Variants in FAM81A observed in about 807,000 individuals in gnomAD.
FAM81A encodes the protein family with sequence similarity 81 member A, also known as protein FAM81A.
FAM81A carries 19 observed loss-of-function variants against 46.7 expected under a neutral mutation model. The ratio of observed to expected loss-of-function variants is 0.41; its 90% CI spans 0.28 to 0.60. FAM81A has a LOEUF of 0.60. Among genes scored for constraint, FAM81A ranks in the 20% least tolerant of loss-of-function variants. The pLI, the probability that FAM81A is intolerant of heterozygous loss-of-function variation, is 0.34. For synonymous variants in FAM81A, 183 were observed against 152.9 expected, an observed-to-expected ratio of 1.20 and a Z score of -1.45; for missense variants, 377 against 453.5, an observed-to-expected ratio of 0.83 and a Z score of 1.53.
At chr15:59,435,631 A>T (rs1487695954), upstream of FAM81A, among the ~76,000 whole-genome samples, 1 of 152,218 alleles carries the variant, frequency 6.6e-6, no homozygotes, top group Non-Finnish European at 1.5e-5. Context: ...CAAAAGAAAG[A>T]AGAAAAATGA....
intron 2 of FAM81A, among the ~76,000 whole-genome samples, chr15:59,427,941 C>T (rs2081202342): frequency 6.6e-6 from 1 of 152,214 alleles, no homozygotes; most frequent in Non-Finnish European, 1.5e-5. Context: ...ACTGCTGGGT[C>T]ATATGATAGC....
At chr15:59,482,722 C>T (rs1275958555) in intron 3 of FAM81A, among the ~76,000 whole-genome samples, 1 of 152,200 alleles carries the variant, frequency 6.6e-6, no homozygotes, top group Non-Finnish European at 1.5e-5. Context: ...TTATGCCTTA[C>T]TATAGGCAAA....
chr15:59,471,637 A>ATTT (rs34636106), intron 3 of FAM81A, among the ~76,000 whole-genome samples: 1 of 146,640 alleles, frequency 6.8e-6, no homozygotes. Context: ...AATTTTTCTT[A>ATTT]TTTTTTTTTT....
chr15:59,474,345 C>G (rs2081738876), intron 3 of FAM81A, among the ~76,000 whole-genome samples: 2 of 152,160 alleles, frequency 1.3e-5, no homozygotes, highest in African/African-American at 4.8e-5. Flanking sequence ...GTTCTGGAGG[C>G]TGGGAAGTCC....
intron 8 of FAM81A, among the ~76,000 whole-genome samples, chr15:59,519,971 C>G (rs2082310634): frequency 6.6e-6 from 1 of 152,086 alleles, no homozygotes; most frequent in African/African-American, 2.4e-5. Context: ...TTTTAAATTT[C>G]TTTAGTAACC....
chr15:59,468,558 C>T (rs1292769768), intron 3 of FAM81A, among the ~76,000 whole-genome samples: 1 of 151,712 alleles, frequency 6.6e-6, no homozygotes, highest in African/African-American at 2.4e-5. Flanking sequence ...GGTGATATCC[C>T]CTTTACCATT....
intron 3 of FAM81A, among the ~76,000 whole-genome samples, chr15:59,476,266 A>G (rs1291072489): frequency 6.6e-6 from 1 of 150,552 alleles, no homozygotes; most frequent in African/African-American, 2.4e-5. Flanking sequence ...TCTGTCATTC[A>G]GGCTGGAATG....
intron 2 of FAM81A, among the ~76,000 whole-genome samples, chr15:59,409,667 C>T (rs1356704859): frequency 6.6e-6 from 1 of 152,168 alleles, no homozygotes; most frequent in East Asian, 1.9e-4. Context: ...GGTGCAAAGG[C>T]TTGGGCAGAA....
chr15:59,414,037 T>G (rs1359330288), intron 2 of FAM81A, among the ~76,000 whole-genome samples: 1 of 152,132 alleles, frequency 6.6e-6, no homozygotes, highest in African/African-American at 2.4e-5. Context: ...CACTGCAACC[T>G]CCATCTCCCG....
intron 7 of FAM81A, among the ~76,000 whole-genome samples, chr15:59,515,232 A>T (rs2082254334): frequency 6.6e-6 from 1 of 152,180 alleles, no homozygotes; most frequent in African/African-American, 2.4e-5. Context: ...CGACAGAGTG[A>T]GACTCTATCT....
chr15:59,518,929 TTGTGTGTGTGTGTC>T (rs1219753725), intron 8 of FAM81A, among the ~76,000 whole-genome samples: 73 of 136,116 alleles, frequency 5.4e-4, no homozygotes, highest in African/African-American at 1.8e-3. Context: ...TCACAGGTAT[TTGTGTGTGTGTGTC>T]TGTGTGTGTG....
At chr15:59,465,862 C>G (rs915277368) in intron 3 of FAM81A, among the ~76,000 whole-genome samples, 2 of 152,120 alleles carry the variant, frequency 1.3e-5, no homozygotes, top group Admixed American at 6.5e-5. Flanking sequence ...CGTCCGCTGA[C>G]AGACCCCGGT....
chr15:59,515,983 A>G (rs1354178746), intron 7 of FAM81A, among the ~76,000 whole-genome samples: 1 of 152,232 alleles, frequency 6.6e-6, no homozygotes, highest in Non-Finnish European at 1.5e-5. Flanking sequence ...ATAATTCAAT[A>G]TAGCTGCTAG....
At chr15:59,439,061 TTAAG>T (rs1301517917) in intron 1 of FAM81A, 4 of 152,152 alleles carry the variant, frequency 2.6e-5, no homozygotes, top group Admixed American at 2.0e-4. Flanking sequence ...CAGCAGCAAA[TTAAG>T]TGAGTCATTT....
At chr15:59,456,412 T>C (rs1220547010) in intron 1 of FAM81A, among the ~76,000 whole-genome samples, 1 of 152,116 alleles carries the variant, frequency 6.6e-6, no homozygotes, top group African/African-American at 2.4e-5. Context: ...GGTTGGAGTG[T>C]TGAAGAGAAG....
At chr15:59,488,269 C>G (rs1045570286) in intron 3 of FAM81A, among the ~76,000 whole-genome samples, 1 of 152,106 alleles carries the variant, frequency 6.6e-6, no homozygotes, top group African/African-American at 2.4e-5. Flanking sequence ...AGGAACACAT[C>G]TCAACATAAT....
chr15:59,434,897 C>A (rs1227988714), upstream of FAM81A, among the ~76,000 whole-genome samples: 2 of 152,222 alleles, frequency 1.3e-5, no homozygotes, highest in African/African-American at 4.8e-5. Flanking sequence ...GAGGAGCCTA[C>A]TTACTATCCT....
intron 2 of FAM81A, among the ~76,000 whole-genome samples, chr15:59,419,649 A>G (rs1469297029): frequency 1.3e-5 from 2 of 152,154 alleles, no homozygotes; most frequent in African/African-American, 2.4e-5. Flanking sequence ...CGAGGCGGGC[A>G]GATTGCTTGA....
intron 1 of FAM81A, among the ~76,000 whole-genome samples, chr15:59,458,002 A>G (rs1280885866): frequency 6.6e-6 from 1 of 152,234 alleles, no homozygotes; most frequent in South Asian, 2.1e-4. Context: ...TCAAGTTCTA[A>G]TGAGGAATAT....
Sources: gnomAD v4.1 joint callset for allele counts (sites outside exome capture counted in the v4.1 genomes callset) on GRCh38, gnomAD v4.1.1 for gene constraint, MANE v1.5 for transcripts, NCBI Gene and HGNC (gene_info 2026-07-23, HGNC 2026-07-21) for gene names.